IGHMBP2: variants seen among roughly 807,000 people sequenced by gnomAD.
IGHMBP2 encodes the protein immunoglobulin mu DNA binding protein 2, also known as DNA-binding protein SMUBP-2.
Under a neutral mutation model 96.0 loss-of-function variants are expected in IGHMBP2, and 81 were observed. That is an observed-to-expected ratio of 0.84 (90% CI 0.71 to 1.01). The LOEUF (loss-of-function observed/expected upper bound fraction) is 1.01, where lower values mean the gene tolerates loss of function less well. IGHMBP2 is among the 50% of genes least tolerant of loss of function. The pLI, the probability that IGHMBP2 is intolerant of heterozygous loss-of-function variation, is 0.00. For missense variants in IGHMBP2, 1,227 were observed against 1,306.3 expected (o/e 0.94, Z 0.94); for synonymous variants, 557 against 548.9 (o/e 1.01, Z -0.21).
intron 12 of IGHMBP2, 23 bp from the exon 13 acceptor site, chr11:68,936,214 C>T: frequency 2.5e-6 from 4 of 1,613,100 alleles, no homozygotes; most frequent in Non-Finnish European, 3.4e-6. Flanking sequence ...ACCTGCTTCT[C>T]ACTCCCCTCT....
intron 7 of IGHMBP2, among the ~76,000 whole-genome samples, chr11:68,922,460 A>G (rs143490721): frequency 6.6e-6 from 1 of 151,766 alleles, no homozygotes; most frequent in African/African-American, 2.4e-5. Context: ...CCGTGGCGCA[A>G]TCTTGGCTCA....
intron 4 of IGHMBP2, 142 bp downstream of exon 4, chr11:68,908,773 G>A (rs993493627): frequency 1.3e-5 from 9 of 672,974 alleles, no homozygotes; most frequent in East Asian, 2.7e-5. Context: ...GGAGTGTCTC[G>A]GAGGGCCTTG....
chr11:68,918,825 T>C (rs1287014681), intron 7 of IGHMBP2, among the ~76,000 whole-genome samples: 1 of 152,226 alleles, frequency 6.6e-6, no homozygotes, highest in East Asian at 1.9e-4. Flanking sequence ...TTTCAATTGA[T>C]CTTCCCAAAG....
chr11:68,917,344 A>G (rs915531237), intron 6 of IGHMBP2, among the ~76,000 whole-genome samples: 3 of 152,024 alleles, frequency 2.0e-5, no homozygotes, highest in Admixed American at 6.6e-5. Context: ...ATTTTTTTTA[A>G]TCTCTTGAAA....
chr11:68,917,492 C>T (rs1858717666), intron 6 of IGHMBP2, among the ~76,000 whole-genome samples: 1 of 152,162 alleles, frequency 6.6e-6, no homozygotes, highest in South Asian at 2.1e-4. Flanking sequence ...TTCTGGTCTC[C>T]TCTGAGTTAA....
intron 2 of IGHMBP2, among the ~76,000 whole-genome samples, chr11:68,906,899 C>T (rs1858222929): frequency 6.6e-6 from 1 of 152,058 alleles, no homozygotes; most frequent in African/African-American, 2.4e-5. Context: ...GCTTTGGCCT[C>T]CCAAAGTGCT....
chr11:68,933,395 G>A lies in IGHMBP2; in HGVS notation c.1332G>A (p.Met444Ile), dbSNP rs1429551581. Residue 444 changes from methionine (M) to isoleucine (I), a missense_variant, in exon 9 of 15, where the codon ATG (methionine) becomes ATA (isoleucine). By Grantham distance (10) the Met-to-Ile change is conservative (BLOSUM62 1). Transcript: ENST00000255078. ...GGACACTGACGGTGCAGTACCGCAT[G>A]CACCAGGCTATCATGCGCTGGGCCT... ...VVRTLTVQYR[M>I]HQAIMRWASD... 1 of 1,613,232 alleles carries A rather than the reference G, an allele frequency of 6.2e-7. No homozygotes were observed. Among genetic ancestry groups the A allele is most frequent in the Non-Finnish European group, 8.5e-7 (1 of 1,179,868 alleles).
intron 9 of IGHMBP2, 79 bp downstream of exon 9, chr11:68,933,560 G>T: frequency 6.7e-7 from 1 of 1,491,970 alleles, no homozygotes. Context: ...TACGCAGCAA[G>T]CTAAAGTGAA....
At chr11:68,938,093 C>A in intron 13 of IGHMBP2, 89 bp from the exon 14 acceptor site, 1 of 1,434,626 alleles carries the variant, frequency 7.0e-7, no homozygotes, top group Non-Finnish European at 9.8e-7. Flanking sequence ...TGTGAGCCAC[C>A]GTGCTTAGCC....
At chr11:68,912,761 C>T (rs372333064) in intron 5 of IGHMBP2, among the ~76,000 whole-genome samples, 1 of 151,848 alleles carries the variant, frequency 6.6e-6, no homozygotes, top group African/African-American at 2.4e-5. Flanking sequence ...ACAAGGAAGC[C>T]GGGTGTGGTG....
Position 68,938,323 on chromosome 11 carries a change from G to A in IGHMBP2, c.2753G>A (p.Arg918His), listed in dbSNP as rs368584364. The A allele has an allele frequency of 6.8e-5, 109 of 1,611,612 alleles. No homozygotes were observed. Among genetic ancestry groups the A allele is most frequent in the South Asian group, 1.3e-4 (12 of 90,898 alleles). The stretch of plus-strand genomic sequence containing the variant: ...GGCCAGTTCTGCCAGCTCTGCAGCC[G>A]CCGCTACTGCCTCAGCCACCACCTG... The part of the protein sequence containing the change: ...TLGQFCQLCS[R>H]RYCLSHHLPE... Residue 918 changes from arginine (R) to histidine (H), a missense_variant, in exon 14 of 15, where the codon CGC becomes CAC. Transcript: ENST00000255078.
At chr11:68,913,969 G>A (rs952515272) in intron 5 of IGHMBP2, among the ~76,000 whole-genome samples, 5 of 152,188 alleles carry the variant, frequency 3.3e-5, no homozygotes, top group Non-Finnish European at 7.3e-5. Flanking sequence ...CCGAGGAGAT[G>A]AGAGCTCATC....
chr11:68,916,255 G>C (rs914530022), intron 6 of IGHMBP2, among the ~76,000 whole-genome samples: 3 of 152,112 alleles, frequency 2.0e-5, no homozygotes, highest in Non-Finnish European at 2.9e-5. Flanking sequence ...GAGAAAAGTA[G>C]CCTGAACATA....
At position 68,908,316 on chromosome 11, in the gene IGHMBP2, T is replaced by G; in HGVS notation, c.428T>G (p.Val143Gly). The G allele has an allele frequency of 1.2e-6, 2 of 1,614,042 alleles. No homozygotes were observed. Among genetic ancestry groups the G allele is most frequent in the Non-Finnish European group, 1.7e-6 (2 of 1,179,956 alleles). ...SYRLLKLANDVTYRRLKKALI... is the reference protein window; with the variant it reads ...SYRLLKLANDGTYRRLKKALI... ...AGACTGTTAAAACTTGCCAATGATG[T>G]CACTTACAGGCGACTGAAAAAGTAA... is the stretch of plus-strand genomic sequence containing the variant. Residue 143 changes from valine to glycine, a missense_variant, in exon 3 of 15, where the codon GTC (valine) becomes GGC (glycine). Val to Gly is a moderately radical substitution (Grantham distance 109). Transcript: ENST00000255078.
rs1859485922 is a variant in IGHMBP2, at chr11:68,935,393, T to C, written c.1727T>C (p.Ile576Thr). 6.2e-7 allele frequency: 1 copy of C among 1,614,014 alleles called. No individual in the cohort carries two copies. Among genetic ancestry groups the C allele is most frequent in the African/African-American group, 1.3e-5 (1 of 74,952 alleles). ...CAAGGCCGAGAGAAGGAGGCCGTGA[T>C]ACTGTCCTTCGTCAGATCCAACAGG... ...GFQGREKEAV[I>T]LSFVRSNRKG... The change falls in exon 12 of 15, where the codon ATA (isoleucine) becomes ACA (threonine). Residue 576 changes from isoleucine to threonine, a missense_variant. By Grantham distance (89) the Ile-to-Thr change is moderately conservative. Transcript: ENST00000255078.
intron 4 of IGHMBP2, among the ~76,000 whole-genome samples, chr11:68,911,106 G>A (rs1255590232): frequency 1.3e-5 from 2 of 152,072 alleles, no homozygotes; most frequent in Non-Finnish European, 1.5e-5. Flanking sequence ...GGGATGGATT[G>A]TGAATGTTTT....
chr11:68,905,275 A>G (rs1162159562), intron 1 of IGHMBP2, among the ~76,000 whole-genome samples: 1 of 152,198 alleles, frequency 6.6e-6, no homozygotes, highest in Non-Finnish European at 1.5e-5. Context: ...GATCATGGCA[A>G]TGGAGAGCTT....
chr11:68,934,729 C>G (rs937320565), intron 11 of IGHMBP2, among the ~76,000 whole-genome samples, 171 bp downstream of exon 11: 4 of 152,228 alleles, frequency 2.6e-5, no homozygotes, highest in Admixed American at 2.6e-4. Flanking sequence ...GGCCCCTCTG[C>G]GTGTTCGTCT....
Position 68,936,511 on chromosome 11 carries a change from C to T in IGHMBP2, c.2031C>T (p.Ser677=), listed in dbSNP as rs1859534696. 1 of 1,613,586 alleles carries T rather than the reference C, an allele frequency of 6.2e-7. No individual in the cohort carries two copies. The highest frequency in any genetic ancestry group is 8.5e-7 in the Non-Finnish European group (1 of 1,179,918). The stretch of plus-strand genomic sequence containing the variant: ...CTGCTACGTCCACCAGGACCGGAAG[C>T]CAGCGGCAGGAGGGAGGCCAGGAGG... ...QGPATSTRTG[S]QRQEGGQEAA... Residue 677 remains serine (S), a synonymous_variant, in exon 13 of 15, where the codon AGC becomes AGT. Transcript: ENST00000255078.
Sources: allele counts gnomAD v4.1 joint callset (sites outside exome capture counted in the v4.1 genomes callset), GRCh38; gene constraint gnomAD v4.1.1; transcripts MANE v1.5; gene names NCBI Gene and HGNC (gene_info 2026-07-23, HGNC 2026-07-21).